The following SIK3 variants were observed in gnomAD, a reference collection of about 807,000 sequenced individuals.
SIK3 encodes the protein serine/threonine-protein kinase SIK3.
SIK3 carries 28 observed loss-of-function variants against 144.2 expected under a neutral mutation model. The ratio of observed to expected loss-of-function variants is 0.19; its 90% CI spans 0.14 to 0.27. SIK3 has a LOEUF of 0.27. SIK3 is among the 10% of genes least tolerant of loss of function. The probability of loss-of-function intolerance (pLI) is 1.00; values close to 1 mark genes in which losing one functional copy is unlikely to be tolerated. For synonymous variants in SIK3, 686 were observed against 676.3 expected, an observed-to-expected ratio of 1.01 and a Z score of -0.22; for missense variants, 1,319 against 1,776.0, an observed-to-expected ratio of 0.74 and a Z score of 4.62.
chr11:116,876,245 G>A lies in SIK3; in HGVS notation c.1095+8C>T, dbSNP rs774781094. On this transcript the variant is annotated splice_region_variant and intron_variant, in intron 8 of 24. Coordinates refer to ENST00000445177, the MANE Select transcript of SIK3 (RefSeq NM_001366686.3). ...ATCCCACTTTGTTCTCCACTCCTTC[G>A]GAGATACCTGCAGTGTCTGTTCTTT... 18 of 1,611,124 alleles carry A rather than the reference G, an allele frequency of 1.1e-5. No homozygotes were observed. The highest frequency in any genetic ancestry group is 1.1e-4 in the East Asian group (5 of 44,868).
chr11:116,963,630 C>T (rs976540970), intron 1 of SIK3, among the ~76,000 whole-genome samples: 1 of 152,140 alleles, frequency 6.6e-6, no homozygotes, highest in Non-Finnish European at 1.5e-5. Flanking sequence ...TCTATGACAT[C>T]CCTGAATCAA....
chr11:116,886,173 C>T (rs1399865948), intron 6 of SIK3, among the ~76,000 whole-genome samples: 1 of 152,204 alleles, frequency 6.6e-6, no homozygotes, highest in East Asian at 1.9e-4. Flanking sequence ...CTGTTTCACT[C>T]TGAAGTAGTT....
intron 6 of SIK3, among the ~76,000 whole-genome samples, chr11:116,878,164 T>C (rs1944355842): frequency 6.6e-6 from 1 of 151,476 alleles, no homozygotes; most frequent in African/African-American, 2.4e-5. Context: ...CAAGCCACCA[T>C]TTCTGACTTA....
intron 1 of SIK3, among the ~76,000 whole-genome samples, chr11:116,986,259 C>T (rs1335546238): frequency 6.6e-6 from 1 of 152,162 alleles, no homozygotes; most frequent in Non-Finnish European, 1.5e-5. Flanking sequence ...GTGACACTGG[C>T]ATCCTAACTC....
intron 4 of SIK3, among the ~76,000 whole-genome samples, chr11:116,911,803 A>T (rs949021730): frequency 5.9e-5 from 9 of 152,244 alleles, no homozygotes; most frequent in African/African-American, 2.2e-4. Flanking sequence ...AGTTAGTTTT[A>T]TGTAATTCTC....
chr11:117,097,260 C>T (rs767512108), intron 1 of SIK3, among the ~76,000 whole-genome samples: 13 of 152,112 alleles, frequency 8.5e-5, no homozygotes, highest in Admixed American at 1.3e-4. Context: ...AGTGTAATCT[C>T]CCGGTGTCTG....
At chr11:116,886,564 A>T (rs1944830952) in intron 6 of SIK3, among the ~76,000 whole-genome samples, 1 of 152,208 alleles carries the variant, frequency 6.6e-6, no homozygotes. Context: ...ACAATTAATT[A>T]AGTCACAATG....
chr11:117,037,376 C>T (rs893708979), intron 1 of SIK3, among the ~76,000 whole-genome samples: 2 of 152,174 alleles, frequency 1.3e-5, no homozygotes, highest in Non-Finnish European at 2.9e-5. Flanking sequence ...CCCTTGCCTT[C>T]AAGCAGCATA....
At chr11:116,885,349 T>C (rs1329569491) in intron 6 of SIK3, among the ~76,000 whole-genome samples, 2 of 152,222 alleles carry the variant, frequency 1.3e-5, no homozygotes, top group Non-Finnish European at 2.9e-5. Flanking sequence ...TATATCCATT[T>C]ATTAGAAAAA....
rs1555127056 is a variant in SIK3 at position 117,013,905 on chromosome 11, G to GTGTGTGTGTGTGTGTGTGTGTGTGTGTAT, written c.274-56842_274-56841insATACACACACACACACACACACACACACA. 7.2e-4 allele frequency among the ~76,000 whole-genome samples: 34 copies of GTGTGTGTGTGTGTGTGTGTGTGTGTGTAT among 47,316 alleles called. 2 individuals are homozygous for GTGTGTGTGTGTGTGTGTGTGTGTGTGTAT. The highest frequency in any genetic ancestry group is 2.2e-3 in the East Asian group (5 of 2,298). The allele number at this position is 47,316 out of a possible 152,430, so 31.0% of individuals were successfully genotyped here. A position where few individuals can be genotyped will look rare whatever the true frequency, so the allele number is the denominator to read the frequency against. On this transcript the variant is annotated intron_variant, in intron 1 of 24. Coordinates refer to ENST00000445177, the MANE Select transcript of SIK3 (RefSeq NM_001366686.3). The stretch of plus-strand genomic sequence containing the variant: ...TATAAGTCTCCAGATTCTGAGGGGG[G>GTGTGTGTGTGTGTGTGTGTGTGTGTGTAT]GGGGGGGAGGGTGTGTGTGTGTGTG...
Position 116,859,532 on chromosome 11 carries a change from C to T in SIK3, c.2498G>A (p.Cys833Tyr). 2 of 1,614,186 alleles carry T rather than the reference C, an allele frequency of 1.2e-6. No individual in the cohort carries two copies. The change falls in exon 20 of 25, where the codon TGT becomes TAT. Residue 833 changes from cysteine to tyrosine, a missense_variant. Cys to Tyr is a radical substitution (Grantham distance 194). Coordinates refer to ENST00000445177, the MANE Select transcript of SIK3 (RefSeq NM_001366686.3). ...TAGTGCCACGTTGGGAGGAGAGGAA[C>T]AGTTCTCAGGTTGCTGCTGAAAGAT... ...SAIFQQQPEN[C>Y]SSPPNVALTC...
intron 4 of SIK3, among the ~76,000 whole-genome samples, chr11:116,916,412 C>A (rs1248888542): frequency 2.0e-5 from 3 of 152,112 alleles, no homozygotes; most frequent in Non-Finnish European, 4.4e-5. Context: ...TAATGGGGAC[C>A]TTTACTAATA....
At chr11:117,031,543 C>G (rs147956043) in intron 1 of SIK3, among the ~76,000 whole-genome samples, 6,838 of 149,850 alleles carry the variant, frequency 0.046, 517 homozygotes, top group African/African-American at 0.16. Context: ...TTATTTGAGA[C>G]AGAGTTTTGC....
intron 1 of SIK3, among the ~76,000 whole-genome samples, chr11:116,970,088 C>T (rs1949713741): frequency 6.6e-6 from 1 of 152,150 alleles, no homozygotes; most frequent in Non-Finnish European, 1.5e-5. Context: ...CCAGCCTAGG[C>T]AACATAGTGG....
At chr11:117,091,200 CTTTTTT>C (rs386375011) in intron 1 of SIK3, among the ~76,000 whole-genome samples, 2 of 93,008 alleles carry the variant, frequency 2.2e-5, no homozygotes, top group Non-Finnish European at 3.9e-5. Context: ...TTTTTTTTTT[CTTTTTT>C]TTTTTTTTTT....
Position 116,967,919 on chromosome 11 carries a change from C to T in SIK3, c.274-10855G>A, listed in dbSNP as rs571268284. ...ACCAGCGCTGACAGATAATGCCCCT[C>T]TGGGATTCCTTCAAAATGGAATGTT... On this transcript the variant is annotated intron_variant, in intron 1 of 24. Transcript: ENST00000445177. Among the ~76,000 whole-genome samples, 5 of 152,302 alleles carry T rather than the reference C, an allele frequency of 3.3e-5. No homozygotes were observed. The South Asian group carries it at 1.0e-3, about 32-fold the overall frequency.
At chr11:116,994,584 G>T (rs938284384) in intron 1 of SIK3, among the ~76,000 whole-genome samples, 4 of 152,106 alleles carry the variant, frequency 2.6e-5, no homozygotes, top group Non-Finnish European at 5.9e-5. Context: ...TGGTGGTAAG[G>T]ATTCAATAAA....
chr11:117,003,899 G>A (rs1452348793), intron 1 of SIK3, among the ~76,000 whole-genome samples: 2 of 152,088 alleles, frequency 1.3e-5, no homozygotes. Flanking sequence ...ATACTTTAAC[G>A]AGAAATGTTA....
chr11:116,937,772 A>T (rs1336972669), intron 3 of SIK3, among the ~76,000 whole-genome samples: 3 of 152,326 alleles, frequency 2.0e-5, no homozygotes, highest in Admixed American at 6.5e-5. Context: ...TGTTAGTATA[A>T]ACTTGTTTCA....
Sources: gnomAD v4.1 joint callset for allele counts (sites outside exome capture counted in the v4.1 genomes callset) on GRCh38, gnomAD v4.1.1 for gene constraint, MANE v1.5 for transcripts, NCBI Gene and HGNC (gene_info 2026-07-23, HGNC 2026-07-21) for gene names.